DCC: variants seen among roughly 807,000 people sequenced by gnomAD.
DCC encodes netrin receptor DCC.
DCC carries 58 observed loss-of-function variants against 172.5 expected under a neutral mutation model. That is an observed-to-expected ratio of 0.34 (90% confidence interval 0.27 to 0.42). DCC has a LOEUF of 0.42. DCC is among the 10% of genes least tolerant of loss of function. The pLI, the probability that DCC is intolerant of heterozygous loss-of-function variation, is 1.00. For missense variants in DCC, 1,740 were observed against 1,791.0 expected (o/e 0.97, Z 0.51); for synonymous variants, 709 against 644.5 (o/e 1.10, Z -1.52).
At chr18:53,335,315 C>G (rs980593811) in intron 14 of DCC, among the ~76,000 whole-genome samples, 5 of 152,132 alleles carry the variant, frequency 3.3e-5, no homozygotes, top group Non-Finnish European at 7.4e-5. Flanking sequence ...CAAGATCTCA[C>G]GATTGTCTTA....
intron 7 of DCC, among the ~76,000 whole-genome samples, chr18:53,100,826 A>C (rs2043161664): frequency 1.3e-5 from 2 of 152,150 alleles, no homozygotes; most frequent in Non-Finnish European, 1.5e-5. Context: ...CTTGCAAAAA[A>C]AATGGGCAGA....
At chr18:52,580,391 A>G in intron 1 of DCC, among the ~76,000 whole-genome samples, 1 of 152,162 alleles carries the variant, frequency 6.6e-6, no homozygotes. Context: ...GAGACTTATT[A>G]CTGAAAGGAG....
At chr18:52,900,275 A>G (rs1229541486) in intron 2 of DCC, among the ~76,000 whole-genome samples, 1 of 152,234 alleles carries the variant, frequency 6.6e-6, no homozygotes, top group African/African-American at 2.4e-5. Context: ...AATTGGGGTT[A>G]CGGCTGCTTA....
intron 1 of DCC, among the ~76,000 whole-genome samples, chr18:52,682,525 G>A (rs1344493060): frequency 6.6e-6 from 1 of 152,024 alleles, no homozygotes; most frequent in African/African-American, 2.4e-5. Flanking sequence ...TGAGGCTGGA[G>A]AGGCGGGCAG....
At chr18:53,216,167 A>G (rs745539960) in intron 12 of DCC, among the ~76,000 whole-genome samples, 1 of 152,200 alleles carries the variant, frequency 6.6e-6, no homozygotes, top group Non-Finnish European at 1.5e-5. Context: ...AACTTAGGCT[A>G]GTATTGCTGA....
chr18:52,374,232 G>A (rs775637967), intron 1 of DCC, among the ~76,000 whole-genome samples: 2 of 152,032 alleles, frequency 1.3e-5, no homozygotes, highest in Admixed American at 6.6e-5. Flanking sequence ...AACTTGCAGA[G>A]TTCACTGAGT....
At chr18:53,418,032 A>G (rs1271654475) in intron 21 of DCC, among the ~76,000 whole-genome samples, 1 of 152,168 alleles carries the variant, frequency 6.6e-6, no homozygotes, top group Non-Finnish European at 1.5e-5. Flanking sequence ...AATTACTGCC[A>G]GTGGCTGAGT....
intron 7 of DCC, among the ~76,000 whole-genome samples, chr18:53,071,522 C>G (rs1010761246): frequency 1.3e-5 from 2 of 152,142 alleles, no homozygotes; most frequent in African/African-American, 4.8e-5. Flanking sequence ...TTCTGTCTCT[C>G]TCTATAGAAC....
Position 53,043,724 on chromosome 18 carries a change from TG to T in DCC, c.986-19580del, listed in dbSNP as rs535107089. ...ATGTGACATCACTGAATGGCAAAGT[TG>T]TGTTTTAGATAGTTTCTTCCTAAAG... On this transcript the variant is annotated intron_variant, in intron 5 of 28. Transcript: ENST00000442544. Among the ~76,000 whole-genome samples the T allele has an allele frequency of 3.3e-4, 50 of 152,072 alleles. No homozygotes were observed. In the South Asian group the frequency reaches 4.3e-3, roughly 13 times the overall value.
intron 1 of DCC, among the ~76,000 whole-genome samples, chr18:52,642,105 C>T (rs1261418124): frequency 6.8e-6 from 1 of 146,274 alleles, no homozygotes; most frequent in African/African-American, 2.5e-5. Flanking sequence ...CACTCACACA[C>T]ACATACACAC....
At chr18:52,701,101 A>G (rs1346821669) in intron 1 of DCC, among the ~76,000 whole-genome samples, 1 of 152,210 alleles carries the variant, frequency 6.6e-6, no homozygotes, top group East Asian at 1.9e-4. Flanking sequence ...TCTGATAAGG[A>G]CTTATCTAAT....
chr18:53,336,806 T>C (rs1312742604), intron 14 of DCC, among the ~76,000 whole-genome samples: 1 of 152,144 alleles, frequency 6.6e-6, no homozygotes, highest in Admixed American at 6.5e-5. Flanking sequence ...AGTCAGAGGG[T>C]TAGAGGCTGC....
intron 12 of DCC, among the ~76,000 whole-genome samples, chr18:53,256,544 G>A (rs543513820): frequency 3.3e-5 from 5 of 152,136 alleles, no homozygotes; most frequent in Admixed American, 3.3e-4. Flanking sequence ...TTATTTCTGA[G>A]GGCTCTGTTC....
intron 5 of DCC, among the ~76,000 whole-genome samples, chr18:53,035,986 T>C (rs961934482): frequency 1.3e-5 from 2 of 152,010 alleles, no homozygotes; most frequent in African/African-American, 4.8e-5. Context: ...CTCTACTTAT[T>C]TTTATAGACT....
chr18:53,005,846 A>G (rs969539108), intron 5 of DCC, among the ~76,000 whole-genome samples: 1 of 152,204 alleles, frequency 6.6e-6, no homozygotes, highest in Non-Finnish European at 1.5e-5. Flanking sequence ...GTAATATACT[A>G]TACCTTTGCT....
intron 7 of DCC, among the ~76,000 whole-genome samples, chr18:53,091,362 C>T (rs2043006218): frequency 1.4e-5 from 2 of 147,260 alleles, no homozygotes; most frequent in African/African-American, 4.9e-5. Context: ...AATATATATA[C>T]TAATATATAT....
intron 19 of DCC, 108 bp downstream of exon 19, chr18:53,403,001 A>G: frequency 1.2e-6 from 1 of 816,578 alleles, no homozygotes; most frequent in Non-Finnish European, 2.2e-6. Context: ...CTGTCCCTAC[A>G]TCTCAGCTGA....
intron 3 of DCC, among the ~76,000 whole-genome samples, chr18:52,920,425 G>A (rs2040104979): frequency 6.6e-6 from 1 of 151,970 alleles, no homozygotes. Context: ...TATAAAAATG[G>A]AGAGTAAACA....
intron 20 of DCC, 108 bp from the exon 21 acceptor site, chr18:53,416,016 A>T (rs1910291399): frequency 2.6e-6 from 2 of 774,344 alleles, no homozygotes; most frequent in Admixed American, 3.9e-5. Context: ...TCAAGAGGGC[A>T]CTAGCTTTGA....
Sources: gnomAD v4.1 joint callset for allele counts (sites outside exome capture counted in the v4.1 genomes callset) on GRCh38, gnomAD v4.1.1 for gene constraint, MANE v1.5 for transcripts, NCBI Gene and HGNC (gene_info 2026-07-23, HGNC 2026-07-21) for gene names.